Variants in EPSTI1 observed in about 807,000 individuals in gnomAD.
The protein encoded by EPSTI1 is epithelial-stromal interaction protein 1.
Under a neutral mutation model 49.9 loss-of-function variants are expected in EPSTI1, and 66 were observed. The observed-to-expected ratio is 1.32, with a 90% CI of 1.08 to 1.62. The LOEUF (loss-of-function observed/expected upper bound fraction) is 1.62, where lower values mean the gene tolerates loss of function less well. Ranked by LOEUF, EPSTI1 falls within the 40% of genes most tolerant of loss-of-function variation. EPSTI1 has a pLI of 0.00. For synonymous variants in EPSTI1, 137 were observed against 130.7 expected (o/e 1.05, Z -0.33); for missense variants, 394 against 365.5 (o/e 1.08, Z -0.64).
At chr13:42,973,969 G>A (rs2039821353) in intron 1 of EPSTI1, among the ~76,000 whole-genome samples, 2 of 152,122 alleles carry the variant, frequency 1.3e-5, no homozygotes, top group African/African-American at 4.8e-5. Flanking sequence ...ATATACTGAG[G>A]GAGAATATAT....
intron 2 of EPSTI1, chr13:42,969,660 G>A (rs1416091961): frequency 5.9e-6 from 1 of 168,094 alleles, no homozygotes; most frequent in Non-Finnish European, 1.3e-5. Context: ...CGGTGCTACA[G>A]GTGGAGACCC....
chr13:42,916,873 C>A (rs2037845141), intron 8 of EPSTI1, among the ~76,000 whole-genome samples: 1 of 152,116 alleles, frequency 6.6e-6, no homozygotes, highest in Non-Finnish European at 1.5e-5. Flanking sequence ...TCTCATCATT[C>A]TCATTTCATG....
At chr13:42,893,667 T>A (rs543038888) in intron 10 of EPSTI1, among the ~76,000 whole-genome samples, 1 of 152,300 alleles carries the variant, frequency 6.6e-6, no homozygotes, top group Non-Finnish European at 1.5e-5. Flanking sequence ...GCCTATGCAA[T>A]ATCCATTTAT....
intron 6 of EPSTI1, among the ~76,000 whole-genome samples, chr13:42,947,146 T>G (rs2038940448): frequency 6.6e-6 from 1 of 152,192 alleles, no homozygotes; most frequent in Non-Finnish European, 1.5e-5. Flanking sequence ...AACACAATGT[T>G]GTATTACTCA....
intron 8 of EPSTI1, among the ~76,000 whole-genome samples, chr13:42,902,938 G>A (rs1319090121): frequency 6.6e-6 from 1 of 152,154 alleles, no homozygotes; most frequent in Non-Finnish European, 1.5e-5. Flanking sequence ...AGTATACACA[G>A]TCATGTCCAG....
At chr13:42,985,240 A>G (rs2040056300) in intron 1 of EPSTI1, among the ~76,000 whole-genome samples, 1 of 152,230 alleles carries the variant, frequency 6.6e-6, no homozygotes, top group African/African-American at 2.4e-5. Context: ...AAAGGAAGAC[A>G]AAGGTTTTTT....
chr13:42,980,750 T>C (rs1187709414), intron 1 of EPSTI1, among the ~76,000 whole-genome samples: 1 of 150,426 alleles, frequency 6.6e-6, no homozygotes, highest in Non-Finnish European at 1.5e-5. Flanking sequence ...CAATCTGTAC[T>C]TTAGAGATTT....
chr13:42,927,182 TTC>T (rs1444434200), intron 6 of EPSTI1, among the ~76,000 whole-genome samples: 1 of 152,100 alleles, frequency 6.6e-6, no homozygotes, highest in Admixed American at 6.5e-5. Context: ...AAATAAGAAG[TTC>T]TCTGTTTTTA....
rs766736118 is a variant in EPSTI1 at position 42,969,203 on chromosome 13, C to T, written c.248-26G>A. ...CTAAGCCAGGCGAGAAATATCAAAT[C>T]GTCAATTATTAGACTTCTAAAAGAA... On this transcript the variant is annotated intron_variant, in intron 2 of 10. Transcript: ENST00000313624. 6 of 1,608,530 alleles carry T rather than the reference C, an allele frequency of 3.7e-6. No homozygotes were observed. In the African/African-American group the frequency reaches 5.3e-5, roughly 14 times the overall value.
intron 1 of EPSTI1, among the ~76,000 whole-genome samples, chr13:42,982,813 C>T (rs760721134): frequency 6.6e-6 from 1 of 152,232 alleles, no homozygotes; most frequent in African/African-American, 2.4e-5. Context: ...CTCTGACCTT[C>T]CTCTAAGGTA....
At chr13:42,914,534 A>G (rs368976093) in intron 8 of EPSTI1, among the ~76,000 whole-genome samples, 33 of 152,354 alleles carry the variant, frequency 2.2e-4, no homozygotes, top group South Asian at 8.3e-4. Context: ...CTGTATGTTC[A>G]GAAGGGATTT....
At chr13:42,932,719 T>C (rs2038417543) in intron 6 of EPSTI1, among the ~76,000 whole-genome samples, 2 of 151,762 alleles carry the variant, frequency 1.3e-5, no homozygotes. Flanking sequence ...AGTCTTAAAA[T>C]ATCTCCCCCA....
At chr13:42,892,507 C>A (rs931058167) in intron 10 of EPSTI1, among the ~76,000 whole-genome samples, 1 of 152,058 alleles carries the variant, frequency 6.6e-6, no homozygotes, top group African/African-American at 2.4e-5. Flanking sequence ...AGAGGGATTG[C>A]ACCGTTATGG....
At chr13:42,964,745 T>C (rs1033255350) in intron 3 of EPSTI1, among the ~76,000 whole-genome samples, 3 of 152,190 alleles carry the variant, frequency 2.0e-5, no homozygotes, top group Admixed American at 6.5e-5. Context: ...AATAAAAATA[T>C]GGATGTTAGA....
At chr13:42,908,503 A>AAAC (rs1447703932) in intron 8 of EPSTI1, among the ~76,000 whole-genome samples, 1 of 149,386 alleles carries the variant, frequency 6.7e-6, no homozygotes, top group Non-Finnish European at 1.5e-5. Flanking sequence ...AAAAAAAAAA[A>AAAC]GGAAAAGAAA....
chr13:42,986,916 T>C (rs73472162), intron 1 of EPSTI1, among the ~76,000 whole-genome samples: 22 of 152,254 alleles, frequency 1.4e-4, no homozygotes, highest in African/African-American at 5.3e-4. Flanking sequence ...TCTTCCAGGT[T>C]GGCGAACACA....
At position 42,888,155 on chromosome 13, in the gene EPSTI1, C is replaced by T; in HGVS notation, c.*339G>A. On this transcript the variant is annotated 3_prime_UTR_variant, in exon 11 of 11. Coordinates refer to ENST00000313624, the MANE Select transcript of EPSTI1 (RefSeq NM_033255.5). ...GATAAGAATATGTCACTTAGAAAGA[C>T]AAGCCTGTAGCACCCATAGCTCTGA... The T allele has an allele frequency of 5.7e-6, 8 of 1,413,286 alleles. No homozygotes were observed. The highest frequency in any genetic ancestry group is 6.7e-6 in the Non-Finnish European group (7 of 1,040,106). The allele number at this position is 1,413,286 out of a possible 1,614,324, so 87.5% of individuals were successfully genotyped here. A position where few individuals can be genotyped will look rare whatever the true frequency, so the allele number is the denominator to read the frequency against.
At position 42,957,446 on chromosome 13, in the gene EPSTI1, G is replaced by A. The variant is rs918262957; in HGVS notation, c.490-3425C>T. Among the ~76,000 whole-genome samples the A allele has an allele frequency of 7.2e-5, 11 of 152,204 alleles. No individual in the cohort carries two copies. The East Asian group carries it at 2.1e-3, about 29-fold the overall frequency. On this transcript the variant is annotated intron_variant, in intron 5 of 10. Coordinates refer to ENST00000313624, the MANE Select transcript of EPSTI1 (RefSeq NM_033255.5). ...GCCTAGGCCCAGCAGTATCAGAGGAGACCACGGGATGGGATCTGGTAAGCA... is the reference window on the plus strand; with the variant it reads ...GCCTAGGCCCAGCAGTATCAGAGGAAACCACGGGATGGGATCTGGTAAGCA...
In EPSTI1 at chr13:42,921,642, G is replaced by A. The variant is rs546723409; in HGVS notation, c.658-4018C>T. ...CCTTGGCTGCACATTAGAATGGCCC[G>A]GGGAGCTTTTTTAAACCCTGAAGCC... On this transcript the variant is annotated intron_variant, in intron 7 of 10. Transcript: ENST00000313624. Among the ~76,000 whole-genome samples the A allele has an allele frequency of 3.3e-5, 5 of 152,212 alleles. No individual in the cohort carries two copies. The South Asian group carries it at 1.0e-3, about 32-fold the overall frequency.
Sources: gnomAD v4.1 joint callset for allele counts (sites outside exome capture counted in the v4.1 genomes callset) on GRCh38, gnomAD v4.1.1 for gene constraint, MANE v1.5 for transcripts, NCBI Gene and HGNC (gene_info 2026-07-23, HGNC 2026-07-21) for gene names.